ADGB: variants seen among roughly 807,000 people sequenced by gnomAD.
ADGB encodes androglobin.
In ADGB, 172 loss-of-function variants were observed where a neutral mutation model predicts 210.5. The ratio of observed to expected loss-of-function variants is 0.82; its 90% confidence interval spans 0.72 to 0.93. The LOEUF (loss-of-function observed/expected upper bound fraction) is 0.93, where lower values mean the gene tolerates loss of function less well. Among genes scored for constraint, ADGB ranks in the 40% least tolerant of loss-of-function variants. The probability of loss-of-function intolerance (pLI) is 0.00; values close to 1 mark genes in which losing one functional copy is unlikely to be tolerated. For synonymous variants in ADGB, 658 were observed against 662.7 expected (o/e 0.99, Z 0.11); for missense variants, 2,025 against 1,964.8 (o/e 1.03, Z -0.58).
At chr6:146,651,439 A>G (rs1176638119) in intron 3 of ADGB, among the ~76,000 whole-genome samples, 2 of 152,204 alleles carry the variant, frequency 1.3e-5, no homozygotes, top group Admixed American at 1.3e-4. Flanking sequence ...TTCAAATGCT[A>G]GAAGTTGGGG....
intron 13 of ADGB, 97 bp downstream of exon 13, chr6:146,701,167 A>G: frequency 2.3e-6 from 3 of 1,307,920 alleles, no homozygotes; most frequent in Non-Finnish European, 3.2e-6. Flanking sequence ...AGAATGTATA[A>G]CATGGATCTG....
intron 27 of ADGB, 130 bp from the exon 28 acceptor site, chr6:146,763,768 GTTT>G (rs1178232289): frequency 2.5e-6 from 2 of 801,084 alleles, no homozygotes; most frequent in Non-Finnish European, 1.9e-6. Context: ...CAAAAACACT[GTTT>G]TTTATCTCAC....
Position 146,666,804 on chromosome 6 carries a change from G to T in ADGB, c.753-12G>T, listed in dbSNP as rs2114896869. ...TTTTGCTACCTGTAACATTATGCAT[G>T]TTCTTTTTTAGCATCCATGTAGCAG... On this transcript the variant is annotated splice_polypyrimidine_tract_variant and intron_variant, in intron 6 of 35. Coordinates refer to ENST00000397944, the MANE Select transcript of ADGB (RefSeq NM_024694.4). The T allele has an allele frequency of 6.5e-7, 1 of 1,539,804 alleles. No homozygotes were observed. Among genetic ancestry groups the T allele is most frequent in the Non-Finnish European group, 8.8e-7 (1 of 1,138,738 alleles).
chr6:146,682,840 T>A (rs1776176247), intron 9 of ADGB, among the ~76,000 whole-genome samples: 1 of 152,092 alleles, frequency 6.6e-6, no homozygotes, highest in African/African-American at 2.4e-5. Context: ...CTAATAAACT[T>A]TTTTGAAAAT....
At chr6:146,656,119 G>A (rs1775777278) in intron 4 of ADGB, among the ~76,000 whole-genome samples, 1 of 152,174 alleles carries the variant, frequency 6.6e-6, no homozygotes, top group Non-Finnish European at 1.5e-5. Context: ...AACTTTCCCA[G>A]CAGCAGAAGG....
rs531365733 is a variant in ADGB, at chr6:146,652,420, C to CT, written c.331-1708dup. Among the ~76,000 whole-genome samples the CT allele has an allele frequency of 7.3e-3, 1,116 of 152,160 alleles. 12 individuals carry two copies. Among genetic ancestry groups the CT allele is most frequent in the Non-Finnish European group, 0.012 (838 of 67,982 alleles). ...TAGTTTTAGGTAAATTTTTCTCTAACTTTTTTTATTGACTTTTCAAGATGC... is the reference window on the plus strand; with the variant it reads ...TAGTTTTAGGTAAATTTTTCTCTAACTTTTTTTTATTGACTTTTCAAGATGC... On this transcript the variant is annotated intron_variant, in intron 3 of 35. Coordinates refer to ENST00000397944, the MANE Select transcript of ADGB (RefSeq NM_024694.4).
At chr6:146,736,438 C>A in intron 22 of ADGB, 60 bp from the exon 23 acceptor site, 2 of 1,096,856 alleles carry the variant, frequency 1.8e-6, no homozygotes, top group Non-Finnish European at 2.6e-6. Context: ...AGGCTTTGGA[C>A]AAGATGATCT....
Position 146,764,054 on chromosome 6 carries a change from C to A in ADGB, c.3704C>A (p.Thr1235Asn). Residue 1235 changes from threonine (T) to asparagine (N), a missense_variant, in exon 28 of 36, where the codon ACT becomes AAT. Thr to Asn is a moderately conservative substitution (Grantham distance 65). Transcript: ENST00000397944. ...DIGLPLVEEETTSTPTREDSS... is the reference protein window; with the variant it reads ...DIGLPLVEEENTSTPTREDSS... ...GGTCTACCCCTTGTGGAGGAGGAAA[C>A]TACCAGTACACCCACTAGAGAAGAC... 1 of 1,551,386 alleles carries A rather than the reference C, an allele frequency of 6.4e-7. No homozygotes were observed. Among genetic ancestry groups the A allele is most frequent in the African/African-American group, 1.4e-5 (1 of 73,172 alleles).
At chr6:146,635,592 A>G in intron 2 of ADGB, 55 bp downstream of exon 2, 1 of 1,428,744 alleles carries the variant, frequency 7.0e-7, no homozygotes, top group Non-Finnish European at 9.3e-7. Flanking sequence ...TTTATAATGG[A>G]ATGAGATTTG....
chr6:146,622,809 A>G (rs988275965), intron 1 of ADGB, among the ~76,000 whole-genome samples: 1 of 152,054 alleles, frequency 6.6e-6, no homozygotes, highest in African/African-American at 2.4e-5. Context: ...ATCTTAGGTC[A>G]CAAAGATTCT....
At chr6:146,767,870 G>C (rs1777599710) in intron 28 of ADGB, among the ~76,000 whole-genome samples, 1 of 152,166 alleles carries the variant, frequency 6.6e-6, no homozygotes. Flanking sequence ...AGCTCATGAG[G>C]TCATGCCCTT....
chr6:146,644,813 C>T lies in ADGB; in HGVS notation c.278C>T (p.Pro93Leu). The T allele has an allele frequency of 3.4e-6, 5 of 1,490,552 alleles. No individual in the cohort carries two copies. Among genetic ancestry groups the T allele is most frequent in the Non-Finnish European group, 4.5e-6 (5 of 1,119,780 alleles). 92.3% of individuals were successfully genotyped at this position (1,490,552 alleles called of 1,614,324 possible). ...EDPEGKIELPPSLKIYSWKRP... is the reference protein window; with the variant it reads ...EDPEGKIELPLSLKIYSWKRP... ...CCTGAAGGAAAGATTGAGTTACCAC[C>T]ATCCTTGAAAATTTATTCCTGGAAA... Residue 93 changes from proline (P) to leucine (L), a missense_variant, in exon 3 of 36, where the codon CCA (proline) becomes CTA (leucine). Physicochemically the swap from Pro to Leu is moderately conservative, Grantham distance 98. Coordinates refer to ENST00000397944, the MANE Select transcript of ADGB (RefSeq NM_024694.4).
intron 1 of ADGB, among the ~76,000 whole-genome samples, chr6:146,626,368 T>C (rs1780972306): frequency 6.6e-6 from 1 of 151,970 alleles, no homozygotes; most frequent in African/African-American, 2.4e-5. Flanking sequence ...TATCTTTATT[T>C]GTTTGGCAGA....
intron 35 of ADGB, among the ~76,000 whole-genome samples, chr6:146,804,056 C>A (rs974155733): frequency 6.6e-6 from 1 of 152,074 alleles, no homozygotes; most frequent in Admixed American, 6.5e-5. Flanking sequence ...TTTTTGCATC[C>A]AGATTATTGT....
chr6:146,807,992 G>GTTTTTTTTTTTTTTT (rs369961809), intron 35 of ADGB, among the ~76,000 whole-genome samples: 1 of 103,162 alleles, frequency 9.7e-6, no homozygotes. Flanking sequence ...CTATGCTTCA[G>GTTTTTTTTTTTTTTT]TTTTTTTTTT....
At chr6:146,756,549 C>T (rs1218740958) in intron 27 of ADGB, among the ~76,000 whole-genome samples, 2 of 151,904 alleles carry the variant, frequency 1.3e-5, no homozygotes, top group African/African-American at 4.8e-5. Context: ...ATTAGTTTCT[C>T]CCTATTTCAT....
In ADGB at chr6:146,656,994, C is replaced by A; in HGVS notation, c.612+14C>A. ...CTTTACTGGATGGTAAGTCCATTTT[C>A]GTGTGCATAAAAACTCATGAGTCTT... On this transcript the variant is annotated intron_variant, in intron 5 of 35. Transcript: ENST00000397944. 1 of 1,537,704 alleles carries A rather than the reference C, an allele frequency of 6.5e-7. No individual in the cohort carries two copies.
intron 3 of ADGB, among the ~76,000 whole-genome samples, chr6:146,652,684 A>C (rs1775718858): frequency 1.3e-5 from 2 of 152,136 alleles, no homozygotes; most frequent in Admixed American, 6.6e-5. Flanking sequence ...ATAATTTTTT[A>C]ATCTAACAGG....
intron 30 of ADGB, among the ~76,000 whole-genome samples, chr6:146,784,059 A>G (rs1252733841): frequency 6.6e-6 from 1 of 152,206 alleles, no homozygotes; most frequent in African/African-American, 2.4e-5. Flanking sequence ...CACAGTTATA[A>G]CATTCAGTGA....
Sources: allele counts gnomAD v4.1 joint callset (sites outside exome capture counted in the v4.1 genomes callset), GRCh38; gene constraint gnomAD v4.1.1; transcripts MANE v1.5; gene names NCBI Gene and HGNC (gene_info 2026-07-23, HGNC 2026-07-21).